The following SORCS3 variants were observed in gnomAD, a reference collection of about 807,000 sequenced individuals.
SORCS3 encodes the protein VPS10 domain-containing receptor SorCS3.
Under a neutral mutation model 146.3 loss-of-function variants are expected in SORCS3, and 57 were observed. The ratio of observed to expected loss-of-function variants is 0.39; its 90% CI spans 0.31 to 0.49. The LOEUF is 0.49. Among genes scored for constraint, SORCS3 ranks in the 20% least tolerant of loss-of-function variants. SORCS3 has a pLI of 0.92. For synonymous variants in SORCS3, 653 were observed against 618.5 expected, an observed-to-expected ratio of 1.06 and a Z score of -0.83; for missense variants, 1,341 against 1,575.5, an observed-to-expected ratio of 0.85 and a Z score of 2.52.
chr10:104,914,908 G>C (rs1044656253), intron 2 of SORCS3, among the ~76,000 whole-genome samples: 4 of 151,978 alleles, frequency 2.6e-5, no homozygotes, highest in Non-Finnish European at 5.9e-5. Flanking sequence ...GCTTGAGTTG[G>C]AGAAGTTTTG....
rs1370721536 is a variant in SORCS3 at position 105,247,049 on chromosome 10, T to G, written c.2993-170T>G. 5.3e-5 allele frequency among the ~76,000 whole-genome samples: 8 copies of G among 152,230 alleles called. 1 individual carries two copies. The highest frequency in any genetic ancestry group is 2.0e-4 in the Admixed American group (3 of 15,290). On this transcript the variant is annotated intron_variant, in intron 21 of 26. Coordinates refer to ENST00000369701, the MANE Select transcript of SORCS3 (RefSeq NM_014978.3). ...AAATCTACTTTTAATCACCAAATTCTACTTTATTTCAGAAGTCAGGAAACA... is the reference window on the plus strand; with the variant it reads ...AAATCTACTTTTAATCACCAAATTCGACTTTATTTCAGAAGTCAGGAAACA...
In SORCS3 at chr10:104,649,205, A is replaced by G. The variant is rs553718976; in HGVS notation, c.627+7251A>G. On this transcript the variant is annotated intron_variant, in intron 1 of 26. Coordinates refer to ENST00000369701, the MANE Select transcript of SORCS3 (RefSeq NM_014978.3). The stretch of plus-strand genomic sequence containing the variant: ...ACTGGGAACCTGAAACAGGCCACAT[A>G]CTAAATAAGATCAATGGATTTTGCA... Among the ~76,000 whole-genome samples, 3 of 142,808 alleles carry G rather than the reference A, an allele frequency of 2.1e-5. No homozygotes were observed. The South Asian group carries it at 7.0e-4, about 34-fold the overall frequency. 93.7% of individuals were successfully genotyped at this position (142,808 alleles called of 152,430 possible). A position where few individuals can be genotyped will look rare whatever the true frequency, so the allele number is the denominator to read the frequency against.
Position 105,065,944 on chromosome 10 carries a change from G to A in SORCS3, c.1028+22816G>A, listed in dbSNP as rs564468758. On this transcript the variant is annotated intron_variant, in intron 5 of 26. Transcript: ENST00000369701. ...GTAGTGAGTCATCTAAAATAAAAACGATTTAAACTTTGAAAAGTAGCTCCC... is the reference window on the plus strand; with the variant it reads ...GTAGTGAGTCATCTAAAATAAAAACAATTTAAACTTTGAAAAGTAGCTCCC... Among the ~76,000 whole-genome samples the A allele has an allele frequency of 4.6e-5, 7 of 152,182 alleles. No homozygotes were observed. In the East Asian group the frequency reaches 9.6e-4, roughly 21 times the overall value.
At chr10:105,247,118 G>C (rs1041566079) in intron 21 of SORCS3, 101 bp from the exon 22 acceptor site, 2 of 520,524 alleles carry the variant, frequency 3.8e-6, no homozygotes, top group Non-Finnish European at 6.8e-6. Context: ...TGAAAGAGTA[G>C]ACCTTTTACC....
chr10:105,110,967 A>G (rs2055855520), intron 7 of SORCS3, among the ~76,000 whole-genome samples: 1 of 152,130 alleles, frequency 6.6e-6, no homozygotes, highest in South Asian at 2.1e-4. Flanking sequence ...CATCACCTAT[A>G]GGGTGAAATC....
chr10:104,697,409 A>G (rs1333420941), intron 1 of SORCS3, among the ~76,000 whole-genome samples: 1 of 152,166 alleles, frequency 6.6e-6, no homozygotes, highest in African/African-American at 2.4e-5. Flanking sequence ...CTAGAGGCTG[A>G]TTTTTCAGGA....
intron 8 of SORCS3, among the ~76,000 whole-genome samples, chr10:105,140,861 A>G (rs747700423): frequency 1.3e-5 from 2 of 152,096 alleles, no homozygotes; most frequent in Non-Finnish European, 1.5e-5. Flanking sequence ...GGACCATTGT[A>G]TAGTATGGTG....
At chr10:105,015,006 G>A (rs139816369) in intron 4 of SORCS3, among the ~76,000 whole-genome samples, 9 of 152,264 alleles carry the variant, frequency 5.9e-5, no homozygotes, top group East Asian at 1.9e-4. Flanking sequence ...AATGGACTAC[G>A]ACAGAAAATT....
intron 1 of SORCS3, among the ~76,000 whole-genome samples, chr10:104,732,937 G>T (rs977255458): frequency 2.0e-5 from 3 of 152,168 alleles, no homozygotes; most frequent in African/African-American, 7.2e-5. Context: ...CCCATTCATG[G>T]TCTCTGGTAT....
intron 1 of SORCS3, among the ~76,000 whole-genome samples, chr10:104,656,408 G>A (rs2015631356): frequency 1.3e-5 from 2 of 152,156 alleles, no homozygotes; most frequent in Non-Finnish European, 2.9e-5. Flanking sequence ...TGCAATTCTA[G>A]CACTTTGGGA....
intron 13 of SORCS3, among the ~76,000 whole-genome samples, chr10:105,175,865 A>G (rs2056397761): frequency 6.6e-6 from 1 of 152,222 alleles, no homozygotes; most frequent in Non-Finnish European, 1.5e-5. Context: ...CCATAAATGC[A>G]AAAATTGTCT....
intron 1 of SORCS3, among the ~76,000 whole-genome samples, chr10:104,726,762 A>G (rs778279371): frequency 6.6e-6 from 1 of 151,968 alleles, no homozygotes; most frequent in Non-Finnish European, 1.5e-5. Context: ...AAACTGCCCT[A>G]TTCCCACTGA....
At chr10:104,674,222 A>G (rs777823012) in intron 1 of SORCS3, among the ~76,000 whole-genome samples, 1 of 152,240 alleles carries the variant, frequency 6.6e-6, no homozygotes, top group Non-Finnish European at 1.5e-5. Flanking sequence ...ATAGCATGGT[A>G]GATGGCCACT....
At chr10:104,670,420 C>T (rs2015837272) in intron 1 of SORCS3, among the ~76,000 whole-genome samples, 1 of 152,050 alleles carries the variant, frequency 6.6e-6, no homozygotes, top group African/African-American at 2.4e-5. Context: ...ATCAAGTTTT[C>T]TCAGCACCGT....
intron 1 of SORCS3, among the ~76,000 whole-genome samples, chr10:104,805,649 C>T (rs1375206974): frequency 6.6e-6 from 1 of 152,104 alleles, no homozygotes; most frequent in Non-Finnish European, 1.5e-5. Context: ...AACTACTCTT[C>T]TTGATGGTGG....
intron 2 of SORCS3, among the ~76,000 whole-genome samples, chr10:104,889,305 G>A (rs548585299): frequency 2.0e-4 from 28 of 143,358 alleles, no homozygotes; most frequent in African/African-American, 5.7e-4. Flanking sequence ...TTTTAAATCC[G>A]ATCTGACAAT....
At chr10:105,121,883 C>T (rs543748140) in intron 7 of SORCS3, among the ~76,000 whole-genome samples, 2 of 152,152 alleles carry the variant, frequency 1.3e-5, no homozygotes, top group African/African-American at 4.8e-5. Context: ...TTCTCCAGCC[C>T]TTTCCTCCTC....
chr10:104,732,807 G>A (rs1009475809), intron 1 of SORCS3, among the ~76,000 whole-genome samples: 3 of 152,196 alleles, frequency 2.0e-5, no homozygotes, highest in Admixed American at 6.5e-5. Context: ...TAGCTGGGGA[G>A]CTTGTGTAGG....
chr10:104,764,673 G>A (rs2133479136), intron 1 of SORCS3, among the ~76,000 whole-genome samples: 1 of 152,248 alleles, frequency 6.6e-6, no homozygotes, highest in East Asian at 1.9e-4. Flanking sequence ...ATGGTTAATT[G>A]CACTACATTG....
Sources: gnomAD v4.1 joint callset for allele counts (sites outside exome capture counted in the v4.1 genomes callset) on GRCh38, gnomAD v4.1.1 for gene constraint, MANE v1.5 for transcripts, NCBI Gene and HGNC (gene_info 2026-07-23, HGNC 2026-07-21) for gene names.